Variants in COG7 observed in about 807,000 individuals in gnomAD.
COG7 encodes component of oligomeric golgi complex 7.
A neutral mutation model predicts 91.5 loss-of-function variants in COG7; 49 were observed. The observed-to-expected ratio is 0.54, with a 90% CI of 0.43 to 0.68. COG7 has a LOEUF of 0.68. Among genes scored for constraint, COG7 ranks in the 30% least tolerant of loss-of-function variants. COG7 has a pLI of 0.00. For synonymous variants in COG7, 365 were observed against 388.7 expected (o/e 0.94, Z 0.72); for missense variants, 895 against 961.3 (o/e 0.93, Z 0.91).
intron 16 of COG7, 146 bp from the exon 17 acceptor site, chr16:23,389,232 G>T: frequency 1.1e-6 from 1 of 878,816 alleles, no homozygotes; most frequent in Non-Finnish European, 1.8e-6. Context: ...CCCTCAATAG[G>T]CCCTTTACTC....
At chr16:23,442,347 A>G (rs1282007696) in intron 4 of COG7, 130 bp downstream of exon 4, 3 of 953,452 alleles carry the variant, frequency 3.1e-6, no homozygotes, top group African/African-American at 1.7e-5. Context: ...AAAAAAAAAA[A>G]AAAAAATTAC....
chr16:23,417,386 T>TC, intron 8 of COG7: 1 of 504,470 alleles, frequency 2.0e-6, no homozygotes, highest in Non-Finnish European at 3.6e-6. Context: ...ATTGCTTTCC[T>TC]CTTTTTCTGT....
chr16:23,453,033 G>C lies in COG7; in HGVS notation c.-39C>G, dbSNP rs1429214393. 17 of 1,612,528 alleles carry C rather than the reference G, an allele frequency of 1.1e-5. No homozygotes were observed. The highest frequency in any genetic ancestry group is 1.7e-5 in the Admixed American group (1 of 59,952). On this transcript the variant is annotated 5_prime_UTR_variant, in exon 1 of 17. Coordinates refer to ENST00000307149, the MANE Select transcript of COG7 (RefSeq NM_153603.4). ...CAGGCCTGGCGTCCAGAACTTAAGAGTTGGCTCCGGGCGGCAACGGGGATG... is the reference window on the plus strand; with the variant it reads ...CAGGCCTGGCGTCCAGAACTTAAGACTTGGCTCCGGGCGGCAACGGGGATG...
Position 23,397,394 on chromosome 16 carries a change from G to A in COG7, c.1887+652C>T, listed in dbSNP as rs895864414. Among the ~76,000 whole-genome samples the A allele has an allele frequency of 3.9e-5, 6 of 152,070 alleles. No homozygotes were observed. The South Asian group carries it at 6.2e-4, about 16-fold the overall frequency. On this transcript the variant is annotated intron_variant, in intron 14 of 16. Transcript: ENST00000307149. ...TACTCCTCTATAGTGTTTCTTGTGC[G>A]CACTGACATTTAAGAGCACCTGAGC... is the stretch of plus-strand genomic sequence containing the variant.
At chr16:23,433,859 C>T (rs1963972346) in intron 5 of COG7, among the ~76,000 whole-genome samples, 192 bp from the exon 6 acceptor site, 1 of 151,916 alleles carries the variant, frequency 6.6e-6, no homozygotes, top group Admixed American at 6.6e-5. Context: ...CACTGATTCA[C>T]AGCTTTAATC....
intron 1 of COG7, among the ~76,000 whole-genome samples, 194 bp from the exon 2 acceptor site, chr16:23,446,155 G>A (rs189679557): frequency 2.9e-4 from 44 of 152,174 alleles, no homozygotes; most frequent in Admixed American, 1.0e-3. Flanking sequence ...GGCCCCTGCC[G>A]GGATCACGTC....
intron 10 of COG7, chr16:23,413,086 G>A (rs113200936): frequency 1.4e-5 from 4 of 275,950 alleles, no homozygotes; most frequent in East Asian, 2.0e-4. Flanking sequence ...AACAGGATCC[G>A]ATCACCTATG....
rs1475216174 is a variant in COG7, at chr16:23,406,266, TA to T, written c.1476-5del. On this transcript the variant is annotated splice_region_variant and splice_polypyrimidine_tract_variant and intron_variant, in intron 11 of 16. Coordinates refer to ENST00000307149, the MANE Select transcript of COG7 (RefSeq NM_153603.4). ...CTTCCCAGCTGTGGACAAAATCCTG[TA>T]ATGAAAGGAATGACCATTATGCCCT... The T allele has an allele frequency of 6.2e-6, 10 of 1,613,196 alleles. No individual in the cohort carries two copies. Among genetic ancestry groups the T allele is most frequent in the Non-Finnish European group, 7.6e-6 (9 of 1,179,328 alleles).
At chr16:23,411,763 A>C (rs962456989) in intron 10 of COG7, among the ~76,000 whole-genome samples, 1 of 152,178 alleles carries the variant, frequency 6.6e-6, no homozygotes, top group Admixed American at 6.5e-5. Context: ...CACATGTGTC[A>C]CGGGCAAGGG....
At chr16:23,392,643 C>T (rs1437204485) in intron 15 of COG7, 120 bp from the exon 16 acceptor site, 2 of 1,205,570 alleles carry the variant, frequency 1.7e-6, no homozygotes, top group Admixed American at 1.8e-5. Flanking sequence ...ACAGTTACAT[C>T]TTAGGGCCAG....
Position 23,402,139 on chromosome 16 carries a change from T to C in COG7, c.1803+1555A>G, listed in dbSNP as rs1963388022. On this transcript the variant is annotated intron_variant, in intron 13 of 16. Coordinates refer to ENST00000307149, the MANE Select transcript of COG7 (RefSeq NM_153603.4). ...TTAGTGTCTCTTTTTTCTGGTTAAA[T>C]TCAAATAAAATTATATTGTGCATAT... Among the ~76,000 whole-genome samples the C allele has an allele frequency of 2.0e-5, 3 of 152,198 alleles. No homozygotes were observed. The South Asian group carries it at 6.2e-4, about 31-fold the overall frequency.
intron 10 of COG7, among the ~76,000 whole-genome samples, chr16:23,410,565 C>A (rs1963546098): frequency 6.6e-6 from 1 of 152,170 alleles, no homozygotes; most frequent in South Asian, 2.1e-4. Flanking sequence ...CTTCCAATAA[C>A]CTCCATTGTC....
intron 7 of COG7, among the ~76,000 whole-genome samples, chr16:23,422,624 T>G (rs968175199): frequency 4.6e-5 from 7 of 151,968 alleles, no homozygotes; most frequent in Admixed American, 2.0e-4. Context: ...AATAATGTTG[T>G]TGGTGGCTCT....
At chr16:23,417,813 A>G (rs751819446) in intron 8 of COG7, among the ~76,000 whole-genome samples, 1 of 152,064 alleles carries the variant, frequency 6.6e-6, no homozygotes, top group Non-Finnish European at 1.5e-5. Flanking sequence ...CAAAAGGAAA[A>G]TGCTTCCTTC....
chr16:23,423,029 A>G lies in COG7; in HGVS notation c.1009+1720T>C, dbSNP rs568891823. Among the ~76,000 whole-genome samples, 133 of 141,166 alleles carry G rather than the reference A, an allele frequency of 9.4e-4. 3 individuals are homozygous for G. In the South Asian group the frequency reaches 0.012, roughly 13 times the overall value. 92.6% of individuals were successfully genotyped at this position (141,166 alleles called of 152,430 possible). On this transcript the variant is annotated intron_variant, in intron 7 of 16. Coordinates refer to ENST00000307149, the MANE Select transcript of COG7 (RefSeq NM_153603.4). ...CACTGCACTCCAGCCTGGGCAACAAAGCAAGTCTCTGTCTCAAAAAAAAAA... is the reference window on the plus strand; with the variant it reads ...CACTGCACTCCAGCCTGGGCAACAAGGCAAGTCTCTGTCTCAAAAAAAAAA...
At chr16:23,401,798 G>A (rs1447747141) in intron 13 of COG7, among the ~76,000 whole-genome samples, 1 of 152,014 alleles carries the variant, frequency 6.6e-6, no homozygotes, top group Admixed American at 6.6e-5. Flanking sequence ...GCTCATGCCT[G>A]TAATCCCAGC....
At chr16:23,413,291 G>C (rs1444741934) in intron 10 of COG7, 157 bp downstream of exon 10, 1 of 662,872 alleles carries the variant, frequency 1.5e-6, no homozygotes, top group African/African-American at 1.8e-5. Context: ...GGTTTTATTG[G>C]TTTGTGTTTA....
chr16:23,426,276 T>C (rs903707771), intron 6 of COG7, among the ~76,000 whole-genome samples: 1 of 152,140 alleles, frequency 6.6e-6, no homozygotes, highest in African/African-American at 2.4e-5. Context: ...TGAATACACA[T>C]GTAAACATCT....
intron 3 of COG7, among the ~76,000 whole-genome samples, chr16:23,442,979 A>G (rs1185059635): frequency 6.6e-6 from 1 of 151,980 alleles, no homozygotes; most frequent in Non-Finnish European, 1.5e-5. Context: ...GACTGCAGTT[A>G]GCCAAGATCA....
Sources: gnomAD v4.1 joint callset for allele counts (sites outside exome capture counted in the v4.1 genomes callset) on GRCh38, gnomAD v4.1.1 for gene constraint, MANE v1.5 for transcripts, NCBI Gene and HGNC (gene_info 2026-07-23, HGNC 2026-07-21) for gene names.